FAM117A: variants seen among roughly 807,000 people sequenced by gnomAD.
FAM117A encodes the protein protein FAM117A.
A neutral mutation model predicts 44.1 loss-of-function variants in FAM117A; 21 were observed. The ratio of observed to expected loss-of-function variants is 0.48; its 90% CI spans 0.34 to 0.69. The LOEUF (loss-of-function observed/expected upper bound fraction) is 0.69. FAM117A is among the 30% of genes least tolerant of loss of function. The pLI is 0.01. For missense variants in FAM117A, 498 were observed against 589.9 expected, an observed-to-expected ratio of 0.84 and a Z score of 1.61; for synonymous variants, 220 against 238.3, an observed-to-expected ratio of 0.92 and a Z score of 0.71.
upstream of FAM117A, chr17:49,764,200 G>T: frequency 2.0e-6 from 1 of 503,114 alleles, no homozygotes; most frequent in Non-Finnish European, 3.2e-6. Flanking sequence ...TCATCCTAGA[G>T]CTGTCATTGG....
At chr17:49,727,386 C>T (rs920362059) in intron 2 of FAM117A, among the ~76,000 whole-genome samples, 7 of 152,122 alleles carry the variant, frequency 4.6e-5, no homozygotes, top group African/African-American at 7.2e-5. Context: ...CTAGCTTGGG[C>T]GACAGGGCGA....
At chr17:49,715,117 C>T (rs937754080) in intron 7 of FAM117A, among the ~76,000 whole-genome samples, 1 of 152,146 alleles carries the variant, frequency 6.6e-6, no homozygotes, top group African/African-American at 2.4e-5. Flanking sequence ...AGGGAGGGTA[C>T]AAGAGTCTAG....
chr17:49,742,554 TAAA>T (rs2073638913), intron 1 of FAM117A, among the ~76,000 whole-genome samples: 1 of 152,198 alleles, frequency 6.6e-6, no homozygotes, highest in African/African-American at 2.4e-5. Context: ...TCAACATCCT[TAAA>T]ACAAAACACT....
At chr17:49,734,979 T>C (rs1291197116) in intron 1 of FAM117A, among the ~76,000 whole-genome samples, 3 of 152,124 alleles carry the variant, frequency 2.0e-5, no homozygotes, top group East Asian at 1.9e-4. Flanking sequence ...GACAAAAAAA[T>C]AGAATAGACT....
chr17:49,748,563 G>A (rs1038740565), intron 1 of FAM117A, among the ~76,000 whole-genome samples: 1 of 152,080 alleles, frequency 6.6e-6, no homozygotes, highest in Non-Finnish European at 1.5e-5. Flanking sequence ...ATATAAGCTG[G>A]GGTAACAATA....
chr17:49,725,140 C>A (rs1277988727), intron 2 of FAM117A, among the ~76,000 whole-genome samples: 1 of 152,170 alleles, frequency 6.6e-6, no homozygotes, highest in African/African-American at 2.4e-5. Flanking sequence ...TTACCCCCAA[C>A]CTCCAAGCCT....
chr17:49,718,601 G>A (rs2073516697), intron 5 of FAM117A, among the ~76,000 whole-genome samples: 1 of 151,930 alleles, frequency 6.6e-6, no homozygotes, highest in Admixed American at 6.6e-5. Flanking sequence ...AACCCAGGAG[G>A]CGGAGCTTAC....
upstream of FAM117A, among the ~76,000 whole-genome samples, chr17:49,766,086 C>CT (rs1598036100): frequency 2.0e-5 from 3 of 152,192 alleles, no homozygotes; most frequent in South Asian, 6.2e-4. Flanking sequence ...ACCATGCATA[C>CT]TTTATCTTAT....
intron 1 of FAM117A, among the ~76,000 whole-genome samples, chr17:49,785,921 G>A (rs951356985): frequency 6.6e-6 from 1 of 152,210 alleles, no homozygotes; most frequent in African/African-American, 2.4e-5. Context: ...GGTGATTGAG[G>A]ATAGCCAGGG....
chr17:49,722,527 G>C lies in FAM117A; in HGVS notation c.434C>G (p.Ser145Cys). ...ASSCAHKRSA[S>C]WGSTDHRKEI... The stretch of plus-strand genomic sequence containing the variant: ...TTTTCGGTGGTCTGTGCTGCCCCAG[G>C]ATGCTGAGCGCTTGTGTGCACAGGA... Residue 145 changes from serine to cysteine, a missense_variant, in exon 3 of 8, where the codon TCC (serine) becomes TGC (cysteine). Physicochemically the swap from Ser to Cys is moderately radical, Grantham distance 112. Coordinates refer to ENST00000240364, the MANE Select transcript of FAM117A (RefSeq NM_030802.4). 1.9e-6 allele frequency: 3 copies of C among 1,613,952 alleles called. No homozygotes were observed. In the South Asian group the frequency reaches 3.3e-5, roughly 18 times the overall value.
At position 49,717,842 on chromosome 17, in the gene FAM117A, T is replaced by C. The variant is rs112196911; in HGVS notation, c.709-128A>G. On this transcript the variant is annotated intron_variant, in intron 5 of 7. Transcript: ENST00000240364. Reference sequence around the variant, plus strand: ...CATGACACACAACCACAGAACACCATTTCCTCCAGCGATTTATTTCCCTGG... The same window carrying C: ...CATGACACACAACCACAGAACACCACTTCCTCCAGCGATTTATTTCCCTGG... 8.4e-4 allele frequency: 595 copies of C among 710,636 alleles called. 1 individual carries two copies. The highest frequency in any genetic ancestry group is 1.2e-3 in the Non-Finnish European group (547 of 444,876). The allele number at this position is 710,636 out of a possible 1,614,324, so 44.0% of individuals were successfully genotyped here. A position where few individuals can be genotyped will look rare whatever the true frequency, so the allele number is the denominator to read the frequency against.
chr17:49,733,965 GC>G (rs1273106980), intron 1 of FAM117A, among the ~76,000 whole-genome samples: 1 of 150,374 alleles, frequency 6.7e-6, no homozygotes, highest in African/African-American at 2.5e-5. Context: ...ACACGGTGAA[GC>G]CGCGTCTCTA....
At chr17:49,740,299 G>C (rs1278167181) in intron 1 of FAM117A, among the ~76,000 whole-genome samples, 2 of 151,566 alleles carry the variant, frequency 1.3e-5, no homozygotes, top group Non-Finnish European at 2.9e-5. Context: ...TCAGGCTGGA[G>C]TGCAGTGGCG....
At chr17:49,716,891 C>T (rs2073506828) in intron 6 of FAM117A, among the ~76,000 whole-genome samples, 1 of 152,106 alleles carries the variant, frequency 6.6e-6, no homozygotes, top group African/African-American at 2.4e-5. Flanking sequence ...TCTGTTTACC[C>T]ATGTGTATTG....
intron 2 of FAM117A, among the ~76,000 whole-genome samples, chr17:49,731,930 C>A (rs2073587121): frequency 6.6e-6 from 1 of 152,144 alleles, no homozygotes; most frequent in South Asian, 2.1e-4. Flanking sequence ...GGACTGCAGG[C>A]ACCCACCACC....
intron 1 of FAM117A, chr17:49,788,485 A>G: frequency 3.5e-6 from 1 of 286,326 alleles, no homozygotes; most frequent in East Asian, 6.2e-5. Flanking sequence ...GCCCACAAAC[A>G]GAGCCACTCA....
At chr17:49,728,774 C>T (rs1283794620) in intron 2 of FAM117A, among the ~76,000 whole-genome samples, 1 of 152,254 alleles carries the variant, frequency 6.6e-6, no homozygotes, top group Non-Finnish European at 1.5e-5. Context: ...ACAAAGCAAT[C>T]GGTGGCCAGC....
intron 1 of FAM117A, among the ~76,000 whole-genome samples, chr17:49,769,167 C>G (rs935896998): frequency 1.3e-5 from 2 of 151,938 alleles, no homozygotes; most frequent in African/African-American, 2.4e-5. Flanking sequence ...TGGTGGCACG[C>G]GCCTGTAGTC....
chr17:49,713,177 C>T (rs1262469005), intron 7 of FAM117A, among the ~76,000 whole-genome samples: 2 of 152,090 alleles, frequency 1.3e-5, no homozygotes, highest in East Asian at 1.9e-4. Context: ...CATGAGCCAC[C>T]GCACCCAGCC....
Sources: allele counts gnomAD v4.1 joint callset (sites outside exome capture counted in the v4.1 genomes callset), GRCh38; gene constraint gnomAD v4.1.1; transcripts MANE v1.5; gene names NCBI Gene and HGNC (gene_info 2026-07-23, HGNC 2026-07-21).